PLXDC2: variants seen among roughly 807,000 people sequenced by gnomAD.
The protein encoded by PLXDC2 is plexin domain-containing protein 2.
Under a neutral mutation model 68.9 loss-of-function variants are expected in PLXDC2, and 40 were observed. The observed-to-expected ratio is 0.58, with a 90% CI of 0.45 to 0.76. PLXDC2 has a LOEUF of 0.76. Ranked by LOEUF, PLXDC2 falls within the 30% of genes least tolerant of loss-of-function variation. The probability of loss-of-function intolerance (pLI) is 0.00; values close to 1 mark genes in which losing one functional copy is unlikely to be tolerated. For missense variants in PLXDC2, 644 were observed against 661.9 expected (o/e 0.97, Z 0.30); for synonymous variants, 243 against 234.2 (o/e 1.04, Z -0.34).
chr10:20,138,399 C>T (rs550910854), intron 4 of PLXDC2, among the ~76,000 whole-genome samples: 127 of 152,210 alleles, frequency 8.3e-4, no homozygotes, highest in Non-Finnish European at 1.3e-3. Context: ...ATAATACTGC[C>T]TAACTTTCTG....
intron 1 of PLXDC2, among the ~76,000 whole-genome samples, chr10:19,936,272 A>G (rs1833721861): frequency 6.6e-6 from 1 of 152,168 alleles, no homozygotes; most frequent in South Asian, 2.1e-4. Context: ...GGTCTCTATC[A>G]CCATGAATTC....
intron 13 of PLXDC2, among the ~76,000 whole-genome samples, chr10:20,257,925 G>A (rs1835762004): frequency 6.6e-6 from 1 of 151,016 alleles, no homozygotes; most frequent in Non-Finnish European, 1.5e-5. Context: ...CTTTCTGCAA[G>A]TAGGTAGGAG....
chr10:20,241,718 G>T (rs1203079328), intron 12 of PLXDC2, among the ~76,000 whole-genome samples: 1 of 152,188 alleles, frequency 6.6e-6, no homozygotes, highest in Non-Finnish European at 1.5e-5. Flanking sequence ...GTTCGAAGCT[G>T]CAGTGAGTCA....
intron 3 of PLXDC2, among the ~76,000 whole-genome samples, chr10:20,048,936 G>C (rs1215320730): frequency 6.6e-6 from 1 of 152,016 alleles, no homozygotes; most frequent in Admixed American, 6.6e-5. Context: ...TTTAACACTT[G>C]AGGTTGCCTC....
At chr10:19,936,070 C>T (rs887461279) in intron 1 of PLXDC2, among the ~76,000 whole-genome samples, 3 of 152,146 alleles carry the variant, frequency 2.0e-5, no homozygotes, top group Admixed American at 1.3e-4. Flanking sequence ...CATGGGGTGT[C>T]TTGATTTCTT....
At chr10:20,203,122 CTAGTTA>C (rs1834942818) in intron 9 of PLXDC2, among the ~76,000 whole-genome samples, 2 of 152,150 alleles carry the variant, frequency 1.3e-5, no homozygotes, top group South Asian at 4.1e-4. Flanking sequence ...TGAAAACAGA[CTAGTTA>C]TAAAGAGGTG....
chr10:20,035,698 AT>A (rs1191800922), intron 2 of PLXDC2, among the ~76,000 whole-genome samples: 3 of 152,030 alleles, frequency 2.0e-5, no homozygotes, highest in Non-Finnish European at 2.9e-5. Flanking sequence ...TCTGTCTAAA[AT>A]AAATAAATAA....
Position 20,119,124 on chromosome 10 carries a change from G to T in PLXDC2, c.542-24171G>T, listed in dbSNP as rs913772228. 2.0e-5 allele frequency among the ~76,000 whole-genome samples: 3 copies of T among 152,084 alleles called. No homozygotes were observed. The East Asian group carries it at 5.8e-4, about 29-fold the overall frequency. On this transcript the variant is annotated intron_variant, in intron 4 of 13. Coordinates refer to ENST00000377252, the MANE Select transcript of PLXDC2 (RefSeq NM_032812.9). The stretch of plus-strand genomic sequence containing the variant: ...ATCCAGGAGAGTATATGAGGATGGG[G>T]AAAACAATCAAGTAACGAACATGTA...
At chr10:20,151,690 A>G (rs1215959814) in intron 6 of PLXDC2, among the ~76,000 whole-genome samples, 1 of 152,164 alleles carries the variant, frequency 6.6e-6, no homozygotes, top group African/African-American at 2.4e-5. Flanking sequence ...ATATCACACA[A>G]TTACAAGTAT....
intron 3 of PLXDC2, among the ~76,000 whole-genome samples, chr10:20,052,144 T>C (rs574259443): frequency 6.6e-6 from 1 of 152,200 alleles, no homozygotes; most frequent in African/African-American, 2.4e-5. Context: ...AAAAATGCTA[T>C]GTGAACTCCT....
chr10:19,827,840 T>C (rs1836603213), intron 1 of PLXDC2, among the ~76,000 whole-genome samples: 1 of 152,194 alleles, frequency 6.6e-6, no homozygotes, highest in African/African-American at 2.4e-5. Context: ...ATTACAGACA[T>C]GAGCCACCGC....
At chr10:20,064,056 T>G (rs1346014011) in intron 3 of PLXDC2, among the ~76,000 whole-genome samples, 1 of 152,090 alleles carries the variant, frequency 6.6e-6, no homozygotes. Flanking sequence ...AGCTTTTGTT[T>G]TCTATTTTGT....
intron 13 of PLXDC2, among the ~76,000 whole-genome samples, chr10:20,271,938 A>C (rs1835945989): frequency 6.6e-6 from 1 of 152,234 alleles, no homozygotes; most frequent in African/African-American, 2.4e-5. Flanking sequence ...TTCCCTATAA[A>C]TAAGATAAAT....
At chr10:19,839,388 G>T (rs985973350) in intron 1 of PLXDC2, among the ~76,000 whole-genome samples, 2 of 152,068 alleles carry the variant, frequency 1.3e-5, no homozygotes, top group South Asian at 2.1e-4. Flanking sequence ...AAGCTTATCA[G>T]CTATCTTCAG....
intron 1 of PLXDC2, among the ~76,000 whole-genome samples, chr10:19,837,629 A>C (rs1836824578): frequency 6.6e-6 from 1 of 152,194 alleles, no homozygotes; most frequent in Admixed American, 6.5e-5. Flanking sequence ...AATGAGTTGC[A>C]AACACAAAAA....
chr10:20,066,913 T>A (rs964749882), intron 3 of PLXDC2, among the ~76,000 whole-genome samples: 2 of 152,164 alleles, frequency 1.3e-5, no homozygotes, highest in Non-Finnish European at 2.9e-5. Flanking sequence ...AGTTTGTACA[T>A]GTGTGCTGTT....
intron 4 of PLXDC2, among the ~76,000 whole-genome samples, chr10:20,088,725 G>A (rs572074165): frequency 3.8e-4 from 58 of 152,146 alleles, no homozygotes; most frequent in Middle Eastern, 3.4e-3. Flanking sequence ...TTCCTTAGCT[G>A]TCTTATCTGA....
chr10:19,991,777 G>A (rs184836389), intron 1 of PLXDC2, among the ~76,000 whole-genome samples: 3 of 152,250 alleles, frequency 2.0e-5, no homozygotes, highest in East Asian at 1.9e-4. Flanking sequence ...ATTTGGGTCC[G>A]AGACATTTGC....
chr10:19,980,530 G>A (rs897316130), intron 1 of PLXDC2, among the ~76,000 whole-genome samples: 2 of 152,164 alleles, frequency 1.3e-5, no homozygotes, highest in South Asian at 4.1e-4. Context: ...CTGGTTTGTA[G>A]CTGGCCTTCT....
Sources: gnomAD v4.1 joint callset for allele counts (sites outside exome capture counted in the v4.1 genomes callset) on GRCh38, gnomAD v4.1.1 for gene constraint, MANE v1.5 for transcripts, NCBI Gene and HGNC (gene_info 2026-07-23, HGNC 2026-07-21) for gene names.